The following PKNOX2 variants were observed in gnomAD, a reference collection of about 807,000 sequenced individuals.
PKNOX2 encodes the protein PBX/knotted 1 homeobox 2.
A neutral mutation model predicts 53.1 loss-of-function variants in PKNOX2; 14 were observed. That is an observed-to-expected ratio of 0.26 (90% CI 0.17 to 0.41). The LOEUF is 0.41. Ranked by LOEUF, PKNOX2 falls within the 10% of genes least tolerant of loss-of-function variation. The probability of loss-of-function intolerance (pLI) is 1.00; values close to 1 mark genes in which losing one functional copy is unlikely to be tolerated. For missense variants in PKNOX2, 496 were observed against 602.8 expected, an observed-to-expected ratio of 0.82 and a Z score of 1.85; for synonymous variants, 257 against 242.8, an observed-to-expected ratio of 1.06 and a Z score of -0.54.
In PKNOX2 at chr11:125,239,577, AG is replaced by A. The variant is rs1223014007; in HGVS notation, c.-130+4464del. The A allele has an allele frequency of 4.6e-5, 7 of 152,368 alleles. No homozygotes were observed. In the East Asian group the frequency reaches 1.3e-3, roughly 29 times the overall value. 9.4% of individuals were successfully genotyped at this position (152,368 alleles called of 1,614,324 possible). ...TGGATCTTCCCATTACCTTTGTGAAAGGTGGAGGTTTCTTCTTCACATGCTC... is the reference window on the plus strand; with the variant it reads ...TGGATCTTCCCATTACCTTTGTGAAAGTGGAGGTTTCTTCTTCACATGCTC... On this transcript the variant is annotated intron_variant, in intron 2 of 12. Transcript: ENST00000298282.
chr11:125,358,639 C>T (rs920556612), intron 4 of PKNOX2, among the ~76,000 whole-genome samples: 7 of 152,334 alleles, frequency 4.6e-5, no homozygotes, highest in South Asian at 2.1e-4. Flanking sequence ...TAGAGGTGAC[C>T]GAGGCCTGCT....
intron 1 of PKNOX2, among the ~76,000 whole-genome samples, chr11:125,201,063 T>A (rs1416383204): frequency 3.3e-5 from 5 of 152,196 alleles, no homozygotes; most frequent in Non-Finnish European, 5.9e-5. Context: ...TGGGGCCACC[T>A]TCTCTGTGCC....
Position 125,178,601 on chromosome 11 carries a change from GGAAGGAAGGAAAGAAAGAAAGAAAGAAA to G in PKNOX2, c.-201+13829_-201+13856del, listed in dbSNP as rs1591470327. Among the ~76,000 whole-genome samples, 7 of 26,864 alleles carry G rather than the reference GGAAGGAAGGAAAGAAAGAAAGAAAGAAA, an allele frequency of 2.6e-4. No homozygotes were observed. In the East Asian group the frequency reaches 7.0e-3, roughly 27 times the overall value. 17.6% of individuals were successfully genotyped at this position (26,864 alleles called of 152,430 possible). The stretch of plus-strand genomic sequence containing the variant: ...AGGAAGGAAGGAAGGAAGGAAGGAA[GGAAGGAAGGAAAGAAAGAAAGAAAGAAA>G]GAAAGAAAGAAAGAAAGAAGGAAGG... On this transcript the variant is annotated intron_variant, in intron 1 of 12. Transcript: ENST00000298282.
intron 1 of PKNOX2, among the ~76,000 whole-genome samples, chr11:125,208,470 ACAC>A (rs761298655): frequency 1.4e-4 from 21 of 152,148 alleles, no homozygotes; most frequent in Admixed American, 1.3e-3. Flanking sequence ...AATCTTGCAG[ACAC>A]TAATGTGTAA....
intron 1 of PKNOX2, among the ~76,000 whole-genome samples, chr11:125,207,177 AAGAT>A (rs1939224331): frequency 6.6e-6 from 1 of 151,916 alleles, no homozygotes. Flanking sequence ...GGTCTTCTGG[AAGAT>A]AGATTCTTCT....
At chr11:125,307,202 G>A (rs990732454) in intron 2 of PKNOX2, among the ~76,000 whole-genome samples, 3 of 152,198 alleles carry the variant, frequency 2.0e-5, no homozygotes, top group East Asian at 3.8e-4. Context: ...ACAGATGGAC[G>A]GATGGACAGT....
At chr11:125,402,201 A>C (rs1262904356) in intron 7 of PKNOX2, among the ~76,000 whole-genome samples, 2 of 152,096 alleles carry the variant, frequency 1.3e-5, no homozygotes, top group Non-Finnish European at 2.9e-5. Context: ...AGACTTTCAA[A>C]GACCTGGGCC....
At chr11:125,257,704 A>C (rs1015528843) in intron 2 of PKNOX2, among the ~76,000 whole-genome samples, 1 of 152,202 alleles carries the variant, frequency 6.6e-6, no homozygotes, top group Non-Finnish European at 1.5e-5. Context: ...GCAAGGACTT[A>C]GTGAAGGGTA....
rs1038453024 is a variant in PKNOX2, at chr11:125,212,782, T to C, written c.-200-22263T>C. ...TGACCGGTTCTACAGTTAGGACCAA[T>C]GGCCTTCCCTAGTTGCTCCCACATC... On this transcript the variant is annotated intron_variant, in intron 1 of 12. Coordinates refer to ENST00000298282, the MANE Select transcript of PKNOX2 (RefSeq NM_001382323.2). Among the ~76,000 whole-genome samples the C allele has an allele frequency of 8.6e-5, 13 of 152,020 alleles. 1 individual carries two copies. Among genetic ancestry groups the C allele is most frequent in the Non-Finnish European group, 1.5e-4 (10 of 67,952 alleles).
At chr11:125,309,798 A>G (rs988757683) in intron 2 of PKNOX2, among the ~76,000 whole-genome samples, 1 of 152,192 alleles carries the variant, frequency 6.6e-6, no homozygotes, top group African/African-American at 2.4e-5. Flanking sequence ...CTGTAAACAC[A>G]TTAACTATTT....
chr11:125,427,930 G>T (rs1014073977), intron 10 of PKNOX2, among the ~76,000 whole-genome samples: 2 of 151,766 alleles, frequency 1.3e-5, no homozygotes, highest in Non-Finnish European at 2.9e-5. Context: ...CTCCCAATGG[G>T]GTCACGACTC....
intron 7 of PKNOX2, among the ~76,000 whole-genome samples, chr11:125,398,579 TC>T (rs1011909267): frequency 6.6e-6 from 1 of 152,140 alleles, no homozygotes; most frequent in African/African-American, 2.4e-5. Context: ...GGCATCTCTG[TC>T]CCCCTAAGGT....
intron 2 of PKNOX2, among the ~76,000 whole-genome samples, chr11:125,315,143 C>G (rs1422863676): frequency 6.6e-6 from 1 of 151,986 alleles, no homozygotes; most frequent in Non-Finnish European, 1.5e-5. Flanking sequence ...CATGGGCCCA[C>G]CCCTGCTCTC....
intron 1 of PKNOX2, among the ~76,000 whole-genome samples, chr11:125,229,153 G>A (rs971929070): frequency 2.0e-5 from 3 of 152,122 alleles, no homozygotes; most frequent in African/African-American, 4.8e-5. Context: ...GCTGAGTACG[G>A]CACAGCTGAG....
chr11:125,323,682 C>T (rs1482197499), intron 2 of PKNOX2, among the ~76,000 whole-genome samples: 5 of 152,200 alleles, frequency 3.3e-5, no homozygotes, highest in South Asian at 4.1e-4. Flanking sequence ...CGCAATTTCT[C>T]CTGGAAGGCA....
At position 125,176,110 on chromosome 11, in the gene PKNOX2, G is replaced by T. The variant is rs181698750; in HGVS notation, c.-201+11334G>T. 2.6e-5 allele frequency among the ~76,000 whole-genome samples: 4 copies of T among 152,242 alleles called. No homozygotes were observed. The East Asian group carries it at 5.8e-4, about 22-fold the overall frequency. ...GTGAGTTCCCCTGGGATTCCTGAGC[G>T]CCCGGTGGTTTTGCCAATTCAAGCT... On this transcript the variant is annotated intron_variant, in intron 1 of 12. Coordinates refer to ENST00000298282, the MANE Select transcript of PKNOX2 (RefSeq NM_001382323.2).
intron 2 of PKNOX2, among the ~76,000 whole-genome samples, chr11:125,245,213 T>C (rs1943468067): frequency 6.6e-6 from 1 of 152,138 alleles, no homozygotes. Flanking sequence ...GTGATCCCCA[T>C]GACTGTCAAG....
chr11:125,186,833 A>G (rs1956473756), intron 1 of PKNOX2, among the ~76,000 whole-genome samples: 1 of 152,206 alleles, frequency 6.6e-6, no homozygotes, highest in African/African-American at 2.4e-5. Flanking sequence ...TTCTAAGAGT[A>G]TCATAGCTTT....
rs1956124631 is a variant in PKNOX2, at chr11:125,420,645, T to A, written c.937-8367T>A. On this transcript the variant is annotated intron_variant, in intron 10 of 12. Coordinates refer to ENST00000298282, the MANE Select transcript of PKNOX2 (RefSeq NM_001382323.2). ...GGTGCAGAGAAGTTTCTAACAATTGTTCTCAACCTCTCTAAGCCTCTCTAT... is the reference window on the plus strand; with the variant it reads ...GGTGCAGAGAAGTTTCTAACAATTGATCTCAACCTCTCTAAGCCTCTCTAT... Among the ~76,000 whole-genome samples the A allele has an allele frequency of 2.0e-5, 3 of 152,314 alleles. No individual in the cohort carries two copies. The East Asian group carries it at 5.8e-4, about 29-fold the overall frequency.
Sources: allele counts gnomAD v4.1 joint callset (sites outside exome capture counted in the v4.1 genomes callset), GRCh38; gene constraint gnomAD v4.1.1; transcripts MANE v1.5; gene names NCBI Gene and HGNC (gene_info 2026-07-23, HGNC 2026-07-21).